SLC25A1: variants seen among roughly 807,000 people sequenced by gnomAD.
SLC25A1 encodes the protein solute carrier family 25 member 1, also known as tricarboxylate transport protein, mitochondrial.
Under a neutral mutation model 38.1 loss-of-function variants are expected in SLC25A1, and 26 were observed. The observed-to-expected ratio is 0.68, with a 90% confidence interval of 0.50 to 0.95. SLC25A1 has a LOEUF of 0.95. SLC25A1 is among the 40% of genes least tolerant of loss of function. The pLI is 0.00. For synonymous variants in SLC25A1, 211 were observed against 183.2 expected (o/e 1.15, Z -1.23); for missense variants, 378 against 426.6 (o/e 0.89, Z 1.00).
rs202208096 is a variant in SLC25A1 at position 19,177,175 on chromosome 22, T to G, written c.471A>C (p.Pro157=). The change falls in exon 5 of 9, where the codon CCA becomes CCC. Residue 157 remains proline (P), a synonymous_variant. Coordinates refer to ENST00000215882, the MANE Select transcript of SLC25A1 (RefSeq NM_005984.5). ...KVKFIHDQTS[P]NPKYRGFFHG... is the part of the protein sequence containing the mutation. ...GGAAGAATCCTCTGTACTTGGGGTT[T>G]GGGGAGGTCTGGTCGTGGATGAACT... The G allele has an allele frequency of 1.2e-6, 2 of 1,613,944 alleles. No homozygotes were observed. The highest frequency in any genetic ancestry group is 2.7e-5 in the African/African-American group (2 of 75,030).
At position 19,177,633 on chromosome 22, in the gene SLC25A1, C is replaced by A. The variant is rs552991986; in HGVS notation, c.441+94G>T. 2.6e-6 allele frequency: 4 copies of A among 1,547,774 alleles called. No homozygotes were observed. The African/African-American group carries it at 5.4e-5, about 21-fold the overall frequency. ...TCCCTGGCGTCCAGGAGACCCTCCC[C>A]AGCTTGCCGGTTGCCCCGGGAGCAC... On this transcript the variant is annotated intron_variant, in intron 4 of 8. Coordinates refer to ENST00000215882, the MANE Select transcript of SLC25A1 (RefSeq NM_005984.5).
At chr22:19,176,265 G>A in intron 8 of SLC25A1, 21 bp from the exon 9 acceptor site, 2 of 1,594,254 alleles carry the variant, frequency 1.3e-6, no homozygotes, top group Non-Finnish European at 1.7e-6. Flanking sequence ...GGAGGGGCGG[G>A]GAGAGGAAGG....
chr22:19,176,487 T>C lies in SLC25A1; in HGVS notation c.755A>G (p.Glu252Gly), dbSNP rs1555922322. The change falls in exon 8 of 9, where the codon GAG becomes GGG. Residue 252 changes from glutamate to glycine, a missense_variant. By Grantham distance (98) the Glu-to-Gly change is moderately conservative. Coordinates refer to ENST00000215882, the MANE Select transcript of SLC25A1 (RefSeq NM_005984.5). The stretch of plus-strand genomic sequence containing the variant: ...CCACGTGTTCCGGTATTTGTGCGCC[T>C]CCAGGCCCTATGGGGGACATCAGCA... ...DVIKTRMQGLEAHKYRNTWDC... is the reference protein window; with the variant it reads ...DVIKTRMQGLGAHKYRNTWDC... 1.9e-6 allele frequency: 3 copies of C among 1,613,678 alleles called. No individual in the cohort carries two copies. The highest frequency in any genetic ancestry group is 2.5e-6 in the Non-Finnish European group (3 of 1,180,012).
At chr22:19,176,373 G>A (rs781987170) in intron 8 of SLC25A1, 48 bp downstream of exon 8, 31 of 1,597,496 alleles carry the variant, frequency 1.9e-5, no homozygotes, top group East Asian at 1.3e-4. Context: ...CAGGTAGGCC[G>A]GGAAAGGTTT....
rs782110198 is a variant in SLC25A1 at position 19,177,162 on chromosome 22, T to G, written c.484A>C (p.Arg162=). The G allele has an allele frequency of 6.2e-7, 1 of 1,613,934 alleles. No individual in the cohort carries two copies. The highest frequency in any genetic ancestry group is 1.3e-5 in the African/African-American group (1 of 74,920). The change falls in exon 5 of 9, where the codon AGA becomes CGA. Residue 162 remains arginine (R), a synonymous_variant. Coordinates refer to ENST00000215882, the MANE Select transcript of SLC25A1 (RefSeq NM_005984.5). The part of the protein sequence containing the change: ...HDQTSPNPKY[R]GFFHGVREIV... ...TCCCTAACCCCGTGGAAGAATCCTC[T>G]GTACTTGGGGTTTGGGGAGGTCTGG...
chr22:19,176,692 C>G lies in SLC25A1; in HGVS notation c.633G>C (p.Gly211=), dbSNP rs1367506990. Residue 211 remains glycine, a splice_region_variant and synonymous_variant, in exon 7 of 9, where the codon GGG becomes GGC. Coordinates refer to ENST00000215882, the MANE Select transcript of SLC25A1 (RefSeq NM_005984.5). ...VMTSLRNWYR[G]DNPNKPMNPL... is the part of the protein sequence containing the mutation. ...GGTTCATGGGCTTGTTGGGGTTGTC[C>G]CCTGGATATAGGAGGGGTGAGGTGG... 1.2e-6 allele frequency: 2 copies of G among 1,613,314 alleles called. No individual in the cohort carries two copies. The highest frequency in any genetic ancestry group is 2.7e-5 in the African/African-American group (2 of 74,918).
rs1426675613 is a variant in SLC25A1, at chr22:19,178,722, C to T, written c.-49G>A. 2.2e-5 allele frequency: 20 copies of T among 891,150 alleles called. No homozygotes were observed. Among genetic ancestry groups the T allele is most frequent in the Non-Finnish European group, 2.6e-5 (19 of 722,810 alleles). The allele number at this position is 891,150 out of a possible 1,614,324, so 55.2% of individuals were successfully genotyped here. On this transcript the variant is annotated 5_prime_UTR_variant, in exon 1 of 9. Coordinates refer to ENST00000215882, the MANE Select transcript of SLC25A1 (RefSeq NM_005984.5). This position sits in a 1 kb window ranked among gnomAD's most constrained non-coding sequence, Gnocchi z 4.9. ...TGTGGCGGCTTCGGGTCCGAGACTC[C>T]AGAACTCCGCGCTCGGTCCGCGGTG...
chr22:19,176,715 T>G, intron 6 of SLC25A1, 22 bp from the exon 7 acceptor site: 1 of 1,606,792 alleles, frequency 6.2e-7, no homozygotes, highest in Non-Finnish European at 8.5e-7. Context: ...AGGGGTGAGG[T>G]GGGTCAGAGG....
intron 8 of SLC25A1, 87 bp from the exon 9 acceptor site, chr22:19,176,331 A>AC: frequency 2.6e-6 from 4 of 1,558,276 alleles, no homozygotes; most frequent in Non-Finnish European, 3.5e-6. Context: ...AGTGAGAGGC[A>AC]CAGAGGCCTG....
At position 19,176,968 on chromosome 22, in the gene SLC25A1, C is replaced by T. The variant is rs372319041; in HGVS notation, c.527-18G>A. On this transcript the variant is annotated intron_variant, in intron 5 of 8. Transcript: ENST00000215882. ...CTTCAGCCCTGCGGGAAGGCAGGCA[C>T]GGGGTTACCCTGCAGCCTCTCAGGC... 3.1e-5 allele frequency: 50 copies of T among 1,612,082 alleles called. No individual in the cohort carries two copies. In the Middle Eastern group the frequency reaches 8.3e-4, roughly 27 times the overall value.
intron 8 of SLC25A1, 45 bp downstream of exon 8, chr22:19,176,376 A>AT: frequency 6.2e-7 from 1 of 1,601,602 alleles, no homozygotes; most frequent in Non-Finnish European, 8.6e-7. Flanking sequence ...GTAGGCCGGG[A>AT]AAGGTTTGAG....
rs369043677 is a variant in SLC25A1, at chr22:19,176,116, C to T, written c.*14G>A. On this transcript the variant is annotated 3_prime_UTR_variant, in exon 9 of 9. Coordinates refer to ENST00000215882, the MANE Select transcript of SLC25A1 (RefSeq NM_005984.5). ...GGCGGTGCCTGGGGCGGTCCCCTTG[C>T]GGCCTCTCTAGGCTTAGTCCGTCTT... The T allele has an allele frequency of 2.3e-5, 37 of 1,607,286 alleles. No homozygotes were observed. The highest frequency in any genetic ancestry group is 6.7e-5 in the East Asian group (3 of 44,850).
In SLC25A1 at chr22:19,176,861, G is replaced by T. The variant is rs557032951; in HGVS notation, c.616C>A (p.Arg206Ser). 1.2e-6 allele frequency: 2 copies of T among 1,613,812 alleles called. No individual in the cohort carries two copies. The highest frequency in any genetic ancestry group is 2.2e-5 in the South Asian group (2 of 91,084). Residue 206 changes from arginine (R) to serine (S), a missense_variant, in exon 6 of 9, where the codon CGC becomes AGC. Arg to Ser is a moderately radical substitution (Grantham distance 110, BLOSUM62 -1). Coordinates refer to ENST00000215882, the MANE Select transcript of SLC25A1 (RefSeq NM_005984.5). ...AIRFFVMTSL[R>S]NWYRGDNPNK... Reference sequence around the variant, plus strand: ...GCAGACACACCTCGGTACCAGTTGCGCAGGGAGGTCATGACGAAGAAGCGG... The same window carrying T: ...GCAGACACACCTCGGTACCAGTTGCTCAGGGAGGTCATGACGAAGAAGCGG...
intron 4 of SLC25A1, among the ~76,000 whole-genome samples, chr22:19,177,407 A>C (rs1247129276): frequency 6.6e-6 from 1 of 152,020 alleles, no homozygotes; most frequent in Admixed American, 6.5e-5. Flanking sequence ...TCTGGGACAC[A>C]GGGCAGCCCT....
Position 19,176,701 on chromosome 22 carries a change from T to G in SLC25A1, c.632-8A>C. On this transcript the variant is annotated splice_polypyrimidine_tract_variant and splice_region_variant and intron_variant, in intron 6 of 8. Coordinates refer to ENST00000215882, the MANE Select transcript of SLC25A1 (RefSeq NM_005984.5). ...GCTTGTTGGGGTTGTCCCCTGGATATAGGAGGGGTGAGGTGGGTCAGAGGG... is the reference window on the plus strand; with the variant it reads ...GCTTGTTGGGGTTGTCCCCTGGATAGAGGAGGGGTGAGGTGGGTCAGAGGG... 2 of 1,611,288 alleles carry G rather than the reference T, an allele frequency of 1.2e-6. No homozygotes were observed.
rs1601397173 is a variant in SLC25A1, at chr22:19,176,041, T to G, written c.*89A>C. The G allele has an allele frequency of 9.3e-7, 1 of 1,074,440 alleles. No homozygotes were observed. Among genetic ancestry groups the G allele is most frequent in the Non-Finnish European group, 1.4e-6 (1 of 704,934 alleles). 66.6% of individuals were successfully genotyped at this position (1,074,440 alleles called of 1,614,324 possible). The stretch of plus-strand genomic sequence containing the variant: ...AGCTCGAGGGACGTGGGAAGGGGCC[T>G]TTTGGCACTACTGCACTGGAATCGT... On this transcript the variant is annotated 3_prime_UTR_variant, in exon 9 of 9. Transcript: ENST00000215882.
chr22:19,177,270 G>T, intron 4 of SLC25A1, 66 bp from the exon 5 acceptor site: 2 of 1,319,734 alleles, frequency 1.5e-6, no homozygotes, highest in Non-Finnish European at 2.2e-6. Context: ...CTAGCTGGCA[G>T]GCCCAGGGCC....
In SLC25A1 at chr22:19,176,459, G is replaced by A. The variant is rs781956694; in HGVS notation, c.783C>T (p.Asp261=). The A allele has an allele frequency of 2.2e-5, 35 of 1,613,774 alleles. No homozygotes were observed. The highest frequency in any genetic ancestry group is 2.7e-5 in the African/African-American group (2 of 74,932). ...LEAHKYRNTW[D]CGLQILKKEG... is the part of the protein sequence containing the mutation. ...CCTTCTTCAGGATCTGCAAGCCGCA[G>A]TCCCACGTGTTCCGGTATTTGTGCG... is the stretch of plus-strand genomic sequence containing the variant. The change falls in exon 8 of 9, where the codon GAC becomes GAT. Residue 261 remains aspartate (D), a synonymous_variant. Coordinates refer to ENST00000215882, the MANE Select transcript of SLC25A1 (RefSeq NM_005984.5).
Position 19,176,908 on chromosome 22 carries a change from T to C in SLC25A1, c.569A>G (p.Lys190Arg). The part of the protein sequence containing the change: ...TYQGLTATVL[K>R]QGSNQAIRFF... ...GCGGATGGCCTGGTTCGAGCCCTGC[T>C]TCAGGACAGTGGCTGTGAGGCCCTG... The change falls in exon 6 of 9, where the codon AAG becomes AGG. Residue 190 changes from lysine to arginine, a missense_variant. Lys to Arg is a conservative substitution (Grantham distance 26, BLOSUM62 2). Coordinates refer to ENST00000215882, the MANE Select transcript of SLC25A1 (RefSeq NM_005984.5). 1 of 1,613,776 alleles carries C rather than the reference T, an allele frequency of 6.2e-7. No homozygotes were observed. The highest frequency in any genetic ancestry group is 8.5e-7 in the Non-Finnish European group (1 of 1,180,012).
Sources: allele counts gnomAD v4.1 joint callset (sites outside exome capture counted in the v4.1 genomes callset), GRCh38; gene constraint gnomAD v4.1.1; non-coding constraint Gnocchi (gnomAD v3.1); transcripts MANE v1.5; gene names NCBI Gene and HGNC (gene_info 2026-07-23, HGNC 2026-07-21).